SH3PXD2A: variants seen among roughly 807,000 people sequenced by gnomAD.
The protein encoded by SH3PXD2A is SH3 and PX domains 2A.
In SH3PXD2A, 32 loss-of-function variants were observed where a neutral mutation model predicts 115.2. The observed-to-expected ratio is 0.28, with a 90% CI of 0.21 to 0.37. The LOEUF (loss-of-function observed/expected upper bound fraction) is 0.37, where lower values mean the gene tolerates loss of function less well. Among genes scored for constraint, SH3PXD2A ranks in the 10% least tolerant of loss-of-function variants. The pLI, the probability that SH3PXD2A is intolerant of heterozygous loss-of-function variation, is 1.00. For synonymous variants in SH3PXD2A, 610 were observed against 629.1 expected (o/e 0.97, Z 0.45); for missense variants, 1,328 against 1,498.7 (o/e 0.89, Z 1.88).
chr10:103,756,609 G>C lies in SH3PXD2A; in HGVS notation c.229+10485C>G, dbSNP rs1208664102. On this transcript the variant is annotated intron_variant, in intron 3 of 14. Transcript: ENST00000369774. This position sits in a 1 kb window ranked among gnomAD's most constrained non-coding sequence, Gnocchi z 4.4. ...GGCCACCTCAGGGAGGAGGGAGGAAGTCCTTTCCCTTCACCCCCACGGATG... is the reference window on the plus strand; with the variant it reads ...GGCCACCTCAGGGAGGAGGGAGGAACTCCTTTCCCTTCACCCCCACGGATG... Among the ~76,000 whole-genome samples, 1 of 152,152 alleles carries C rather than the reference G, an allele frequency of 6.6e-6. No homozygotes were observed. The highest frequency in any genetic ancestry group is 2.4e-5 in the African/African-American group (1 of 41,442).
intron 8 of SH3PXD2A, among the ~76,000 whole-genome samples, chr10:103,643,886 C>A (rs570549472): frequency 6.6e-6 from 1 of 151,702 alleles, no homozygotes; most frequent in Non-Finnish European, 1.5e-5. Flanking sequence ...CCGAGGCGGG[C>A]GGATCACGAG....
At chr10:103,833,733 G>T (rs1486476408) in intron 1 of SH3PXD2A, among the ~76,000 whole-genome samples, 1 of 152,150 alleles carries the variant, frequency 6.6e-6, no homozygotes, top group Non-Finnish European at 1.5e-5. Context: ...GATCTCCTTT[G>T]CTAGAGGAAA....
At chr10:103,847,930 C>T (rs1842862370) in intron 1 of SH3PXD2A, among the ~76,000 whole-genome samples, 1 of 59,772 alleles carries the variant, frequency 1.7e-5, no homozygotes, top group South Asian at 9.0e-4. Flanking sequence ...CAGAGCGAGA[C>T]CCCAACTCAA....
At chr10:103,715,096 C>A (rs895938274) in intron 5 of SH3PXD2A, among the ~76,000 whole-genome samples, 1 of 152,194 alleles carries the variant, frequency 6.6e-6, no homozygotes, top group Non-Finnish European at 1.5e-5. Flanking sequence ...TTCCCCCAGC[C>A]TTTTTGGGGT....
intron 8 of SH3PXD2A, among the ~76,000 whole-genome samples, chr10:103,635,122 T>C (rs761640856): frequency 6.6e-5 from 10 of 152,208 alleles, no homozygotes; most frequent in Non-Finnish European, 1.5e-4. Flanking sequence ...GCATCTGCTC[T>C]AAGCTGGGGT....
chr10:103,657,277 GAA>G (rs1448727782), intron 8 of SH3PXD2A, among the ~76,000 whole-genome samples: 1 of 113,042 alleles, frequency 8.8e-6, no homozygotes, highest in East Asian at 3.4e-4. Flanking sequence ...GCAGTCCTAA[GAA>G]GAAACAATCC....
intron 10 of SH3PXD2A, 47 bp from the exon 11 acceptor site, chr10:103,617,361 G>C (rs779253328): frequency 7.3e-7 from 1 of 1,364,402 alleles, no homozygotes; most frequent in East Asian, 2.3e-5. Context: ...TCGGGGTGCA[G>C]GTCCTGCTTC....
chr10:103,674,999 T>A (rs1001768277), intron 6 of SH3PXD2A, among the ~76,000 whole-genome samples: 9 of 152,208 alleles, frequency 5.9e-5, no homozygotes, highest in Non-Finnish European at 1.0e-4. Context: ...GCTTCTGATG[T>A]GGGCAACTCT....
In SH3PXD2A at chr10:103,756,429, G is replaced by A. The variant is rs1009437988; in HGVS notation, c.229+10665C>T. Among the ~76,000 whole-genome samples, 4 of 152,000 alleles carry A rather than the reference G, an allele frequency of 2.6e-5. No individual in the cohort carries two copies. Among genetic ancestry groups the A allele is most frequent in the Non-Finnish European group, 5.9e-5 (4 of 67,972 alleles). On this transcript the variant is annotated intron_variant, in intron 3 of 14. Transcript: ENST00000369774. The surrounding 1 kb of genome is among the most constrained non-coding windows in gnomAD (Gnocchi z 4.4). The stretch of plus-strand genomic sequence containing the variant: ...GGGGGCCGGAGCTCCTTCTCAATGC[G>A]CCTCAGTGTTCCCCTCCACCACCAT...
At chr10:103,809,673 CCCTCCCTCCCTCCCTCCCTT>C (rs1307724106) in intron 1 of SH3PXD2A, among the ~76,000 whole-genome samples, 1 of 144,262 alleles carries the variant, frequency 6.9e-6, no homozygotes, top group East Asian at 2.2e-4. Context: ...CTCCCTCCCT[CCCTCCCTCCCTCCCTCCCTT>C]CCTTCTTTTG....
intron 3 of SH3PXD2A, among the ~76,000 whole-genome samples, chr10:103,744,768 G>A (rs150889014): frequency 7.7e-4 from 118 of 152,314 alleles, no homozygotes; most frequent in African/African-American, 2.7e-3. Context: ...TCCCCATAGC[G>A]AAGGTCAGCA....
At chr10:103,723,446 G>C (rs2038206116) in intron 5 of SH3PXD2A, among the ~76,000 whole-genome samples, 1 of 152,236 alleles carries the variant, frequency 6.6e-6, no homozygotes, top group East Asian at 1.9e-4. Context: ...CTCTGAGCAA[G>C]AGAGCATGGC....
At chr10:103,721,695 A>G (rs2038184003) in intron 5 of SH3PXD2A, among the ~76,000 whole-genome samples, 1 of 152,176 alleles carries the variant, frequency 6.6e-6, no homozygotes, top group Non-Finnish European at 1.5e-5. Flanking sequence ...AGGACAGAAA[A>G]TGAGAGGCTT....
At chr10:103,633,169 G>A (rs548117387) in intron 8 of SH3PXD2A, among the ~76,000 whole-genome samples, 122 of 152,312 alleles carry the variant, frequency 8.0e-4, no homozygotes, top group African/African-American at 2.7e-3. Flanking sequence ...TGTAATCCCA[G>A]CACTTTGGGA....
chr10:103,673,556 CCT>C (rs1202268999), intron 6 of SH3PXD2A: 1 of 152,104 alleles, frequency 6.6e-6, no homozygotes, highest in Non-Finnish European at 1.5e-5. Flanking sequence ...AGAGTGAGAC[CCT>C]GTCTCAAAAT....
chr10:103,702,610 T>TGTGTGTGTGTGTGC, intron 5 of SH3PXD2A, among the ~76,000 whole-genome samples: 1 of 151,156 alleles, frequency 6.6e-6, no homozygotes, highest in South Asian at 2.1e-4. Context: ...TGTGTGTGTG[T>TGTGTGTGTGTGTGC]GTGCATGCTG....
intron 1 of SH3PXD2A, among the ~76,000 whole-genome samples, chr10:103,830,933 C>T (rs982036485): frequency 1.3e-5 from 2 of 152,050 alleles, no homozygotes; most frequent in African/African-American, 2.4e-5. Flanking sequence ...TGAGAATACG[C>T]AATAAATTGA....
At chr10:103,668,754 G>T in intron 6 of SH3PXD2A, 102 bp from the exon 7 acceptor site, 1 of 1,053,336 alleles carries the variant, frequency 9.5e-7, no homozygotes, top group Non-Finnish European at 1.4e-6. Context: ...CAGGCGCCGC[G>T]CTCGGCCAGC....
At chr10:103,804,204 C>T (rs992810732) in intron 1 of SH3PXD2A, among the ~76,000 whole-genome samples, 1 of 151,850 alleles carries the variant, frequency 6.6e-6, no homozygotes, top group Non-Finnish European at 1.5e-5. Flanking sequence ...CACTTCCTGT[C>T]ATGGCCTGAA....
Sources: allele counts gnomAD v4.1 joint callset (sites outside exome capture counted in the v4.1 genomes callset), GRCh38; gene constraint gnomAD v4.1.1; non-coding constraint Gnocchi (gnomAD v3.1); transcripts MANE v1.5; gene names NCBI Gene and HGNC (gene_info 2026-07-23, HGNC 2026-07-21).